Variants in MED24 observed in about 807,000 individuals in gnomAD.
MED24 encodes the protein mediator complex subunit 24.
MED24 carries 74 observed loss-of-function variants against 118.8 expected under a neutral mutation model. The observed-to-expected ratio is 0.62, with a 90% CI of 0.52 to 0.76. The LOEUF is 0.76. MED24 is among the 30% of genes least tolerant of loss of function. MED24 has a pLI of 0.00. For missense variants in MED24, 1,041 were observed against 1,278.9 expected (o/e 0.81, Z 2.84); for synonymous variants, 521 against 523.9 (o/e 0.99, Z 0.08).
chr17:40,027,692 G>C, intron 15 of MED24: 3 of 667,668 alleles, frequency 4.5e-6, no homozygotes, highest in Non-Finnish European at 7.7e-6. Context: ...AGTCGTAAAG[G>C]GATGAGGGGG....
At chr17:40,035,838 A>G in intron 4 of MED24, 43 bp from the exon 5 acceptor site, 1 of 1,570,078 alleles carries the variant, frequency 6.4e-7, no homozygotes, top group Non-Finnish European at 8.8e-7. Flanking sequence ...GCCTCCATCC[A>G]CCCCCAGGTC....
intron 3 of MED24, among the ~76,000 whole-genome samples, chr17:40,045,761 G>C (rs1454361586): frequency 4.6e-5 from 7 of 152,210 alleles, no homozygotes; most frequent in Admixed American, 6.5e-5. Context: ...GGGCAACAAA[G>C]CAAGGATCCT....
At chr17:40,021,923 A>G in intron 23 of MED24, 32 bp downstream of exon 23, 1 of 1,468,368 alleles carries the variant, frequency 6.8e-7, no homozygotes. Context: ...TCCCAGGAAA[A>G]GGAGCGGCGC....
chr17:40,030,315 A>G (rs1983209004), intron 12 of MED24, among the ~76,000 whole-genome samples: 1 of 145,194 alleles, frequency 6.9e-6, no homozygotes, highest in Non-Finnish European at 1.5e-5. Context: ...TTTTTTTTTG[A>G]GACAGAGTCT....
chr17:40,038,625 C>T (rs189838072), intron 3 of MED24, among the ~76,000 whole-genome samples: 3 of 151,254 alleles, frequency 2.0e-5, no homozygotes, highest in Non-Finnish European at 2.9e-5. Flanking sequence ...GCAGGAGAAT[C>T]GCTTGAACCC....
intron 9 of MED24, chr17:40,032,344 G>C (rs1434231483): frequency 3.5e-6 from 2 of 577,188 alleles, no homozygotes; most frequent in African/African-American, 3.8e-5. Flanking sequence ...ATAAGCAAAA[G>C]TGGATCCCCA....
intron 23 of MED24, among the ~76,000 whole-genome samples, chr17:40,020,997 C>T (rs1360727570): frequency 3.9e-5 from 6 of 152,088 alleles, no homozygotes; most frequent in Non-Finnish European, 8.8e-5. Context: ...TGCTTAAACC[C>T]AGGAGGCGGA....
chr17:40,022,194 C>T, intron 22 of MED24, 140 bp from the exon 23 acceptor site: 1 of 894,022 alleles, frequency 1.1e-6, no homozygotes, highest in Non-Finnish European at 1.7e-6. Context: ...ACCCCTCCCA[C>T]AATCTGACAG....
chr17:40,028,784 C>G (rs756199761), intron 14 of MED24, 42 bp downstream of exon 14: 6 of 1,608,878 alleles, frequency 3.7e-6, no homozygotes, highest in East Asian at 2.2e-5. Context: ...CAACGCGCAG[C>G]CTCCCTGCAC....
intron 3 of MED24, among the ~76,000 whole-genome samples, chr17:40,043,301 G>A (rs1380603782): frequency 6.6e-6 from 1 of 152,100 alleles, no homozygotes; most frequent in Non-Finnish European, 1.5e-5. Context: ...TCAGACTGAT[G>A]GGATTTTCTC....
chr17:40,048,375 G>C (rs1985474560), intron 3 of MED24, among the ~76,000 whole-genome samples: 1 of 152,060 alleles, frequency 6.6e-6, no homozygotes, highest in Admixed American at 6.6e-5. Context: ...TTGTACAGTG[G>C]ATTGTCCTGG....
At chr17:40,050,105 C>T (rs1449042487) in intron 3 of MED24, among the ~76,000 whole-genome samples, 1 of 144,994 alleles carries the variant, frequency 6.9e-6, no homozygotes, top group Non-Finnish European at 1.5e-5. Flanking sequence ...GAGCCGAGAT[C>T]GCACCACTGC....
intron 15 of MED24, 46 bp from the exon 16 acceptor site, chr17:40,027,511 G>A (rs1247977686): frequency 1.3e-6 from 2 of 1,558,176 alleles, no homozygotes; most frequent in Non-Finnish European, 1.7e-6. Context: ...GGGCAGGGGG[G>A]AGCCCGTGTC....
rs948492250 is a variant in MED24, at chr17:40,032,799, C to T, written c.823-37G>A. 6 of 1,560,840 alleles carry T rather than the reference C, an allele frequency of 3.8e-6. No homozygotes were observed. The African/African-American group carries it at 8.1e-5, about 21-fold the overall frequency. On this transcript the variant is annotated intron_variant, in intron 8 of 25. Transcript: ENST00000394128. The stretch of plus-strand genomic sequence containing the variant: ...GCCAAGGATGAGGCCTAAGAGGGTG[C>T]CCATACCCCGTCACCCTTCTGTGGA...
intron 3 of MED24, among the ~76,000 whole-genome samples, chr17:40,040,276 A>T (rs949029144): frequency 1.1e-4 from 16 of 150,938 alleles, no homozygotes; most frequent in Non-Finnish European, 2.2e-4. Context: ...ATGGAGTTTC[A>T]CTCTGTTGGC....
chr17:40,046,109 C>T (rs1291925134), intron 3 of MED24, among the ~76,000 whole-genome samples: 3 of 124,348 alleles, frequency 2.4e-5, no homozygotes, highest in East Asian at 4.9e-4. Flanking sequence ...TTTTTTGAGA[C>T]GGAGTCTCAC....
rs1237333532 is a variant in MED24, at chr17:40,019,209, C to CACACACAT, written c.*319_*320insATGTGTGT. ...ACACACACACACACACACACATACA[C>CACACACAT]ACTTTGCATCTAGAAAGTTCCTCAG... On this transcript the variant is annotated 3_prime_UTR_variant, in exon 26 of 26. Coordinates refer to ENST00000394128, the MANE Select transcript of MED24 (RefSeq NM_014815.4). The CACACACAT allele has an allele frequency of 3.7e-5, 13 of 354,668 alleles. No homozygotes were observed. The highest frequency in any genetic ancestry group is 8.9e-5 in the Admixed American group (2 of 22,566). 22.0% of individuals were successfully genotyped at this position (354,668 alleles called of 1,614,324 possible).
intron 14 of MED24, 138 bp from the exon 15 acceptor site, chr17:40,028,084 G>T: frequency 3.4e-6 from 3 of 875,942 alleles, no homozygotes; most frequent in Non-Finnish European, 3.6e-6. Flanking sequence ...CATTGCTATA[G>T]AAAAAAGGTT....
chr17:40,038,614 G>C (rs1283920918), intron 3 of MED24, among the ~76,000 whole-genome samples: 1 of 151,856 alleles, frequency 6.6e-6, no homozygotes, highest in Non-Finnish European at 1.5e-5. Flanking sequence ...AGGAGGCTGA[G>C]GCAGGAGAAT....
Sources: gnomAD v4.1 joint callset for allele counts (sites outside exome capture counted in the v4.1 genomes callset) on GRCh38, gnomAD v4.1.1 for gene constraint, MANE v1.5 for transcripts, NCBI Gene and HGNC (gene_info 2026-07-23, HGNC 2026-07-21) for gene names.